TTBK2: variants seen among roughly 807,000 people sequenced by gnomAD.
The protein encoded by TTBK2 is tau tubulin kinase 2, also known as tau-tubulin kinase 2.
TTBK2 carries 28 observed loss-of-function variants against 110.8 expected under a neutral mutation model. The observed-to-expected ratio is 0.25, with a 90% CI of 0.19 to 0.35. TTBK2 has a LOEUF of 0.35. Among genes scored for constraint, TTBK2 ranks in the 10% least tolerant of loss-of-function variants. TTBK2 has a pLI of 1.00. For synonymous variants in TTBK2, 532 were observed against 527.3 expected, an observed-to-expected ratio of 1.01 and a Z score of -0.12; for missense variants, 1,369 against 1,500.3, an observed-to-expected ratio of 0.91 and a Z score of 1.45.
chr15:42,803,489 G>A (rs1334606851), intron 9 of TTBK2, among the ~76,000 whole-genome samples: 1 of 152,098 alleles, frequency 6.6e-6, no homozygotes, highest in Admixed American at 6.5e-5. Context: ...CCTGAGGCAG[G>A]GTAAGGCAGC....
intron 13 of TTBK2, among the ~76,000 whole-genome samples, chr15:42,772,775 C>T (rs367939350): frequency 2.6e-5 from 4 of 152,018 alleles, no homozygotes; most frequent in East Asian, 3.9e-4. Context: ...AGTGGGACCC[C>T]GTCTTGCAAA....
chr15:42,893,741 C>T (rs1895557790), intron 1 of TTBK2, among the ~76,000 whole-genome samples: 3 of 151,218 alleles, frequency 2.0e-5, no homozygotes, highest in Non-Finnish European at 4.4e-5. Flanking sequence ...TTTAGGAAAT[C>T]TGGGAAAAAA....
At chr15:42,891,686 T>C (rs1214077536) in intron 1 of TTBK2, among the ~76,000 whole-genome samples, 2 of 152,148 alleles carry the variant, frequency 1.3e-5, no homozygotes, top group Admixed American at 6.5e-5. Flanking sequence ...CTTCATCTGA[T>C]TGTTCATTTG....
At chr15:42,763,180 A>ATATG (rs1889161418) in intron 13 of TTBK2, among the ~76,000 whole-genome samples, 2 of 18,688 alleles carry the variant, frequency 1.1e-4, no homozygotes, top group Non-Finnish European at 1.8e-4. Flanking sequence ...ATATATATAT[A>ATATG]TATATATATA....
intron 1 of TTBK2, among the ~76,000 whole-genome samples, chr15:42,889,699 T>C (rs185400228): frequency 6.6e-6 from 1 of 152,264 alleles, no homozygotes; most frequent in Non-Finnish European, 1.5e-5. Flanking sequence ...TCTCAATTGA[T>C]ACAAAACCGC....
At chr15:42,826,078 T>C (rs1015379458) in intron 6 of TTBK2, among the ~76,000 whole-genome samples, 3 of 152,094 alleles carry the variant, frequency 2.0e-5, no homozygotes, top group African/African-American at 7.2e-5. Context: ...GCAGATAACA[T>C]GACGGTATAC....
intron 9 of TTBK2, among the ~76,000 whole-genome samples, chr15:42,802,645 G>A (rs1012841583): frequency 6.6e-6 from 1 of 152,144 alleles, no homozygotes; most frequent in Non-Finnish European, 1.5e-5. Context: ...CATTAAGTCG[G>A]GTGTCACATA....
At chr15:42,838,607 G>A (rs940692141) in intron 4 of TTBK2, among the ~76,000 whole-genome samples, 4 of 152,134 alleles carry the variant, frequency 2.6e-5, no homozygotes, top group African/African-American at 4.8e-5. Flanking sequence ...CCTGAGGTCA[G>A]GAGTTCAACG....
chr15:42,839,349 T>C (rs761103903), intron 4 of TTBK2, among the ~76,000 whole-genome samples: 1 of 152,232 alleles, frequency 6.6e-6, no homozygotes, highest in Non-Finnish European at 1.5e-5. Flanking sequence ...AGTTCACCAT[T>C]GATGGGCATG....
At chr15:42,818,082 T>G (rs1892117613) in intron 6 of TTBK2, among the ~76,000 whole-genome samples, 1 of 152,222 alleles carries the variant, frequency 6.6e-6, no homozygotes, top group Admixed American at 6.5e-5. Flanking sequence ...GTTTAGATTT[T>G]AATTTTTTTA....
intron 6 of TTBK2, among the ~76,000 whole-genome samples, chr15:42,824,244 A>G (rs1327175149): frequency 6.6e-6 from 1 of 152,200 alleles, no homozygotes; most frequent in Non-Finnish European, 1.5e-5. Context: ...TGGGACAAAT[A>G]TTCAAACTAT....
intron 1 of TTBK2, among the ~76,000 whole-genome samples, chr15:42,911,541 G>C (rs550890674): frequency 2.0e-5 from 3 of 152,308 alleles, no homozygotes; most frequent in African/African-American, 7.2e-5. Context: ...ACATGACCCA[G>C]AACCCTGAAA....
At chr15:42,895,727 C>T (rs976017586) in intron 1 of TTBK2, among the ~76,000 whole-genome samples, 25 of 151,732 alleles carry the variant, frequency 1.6e-4, no homozygotes, top group African/African-American at 5.6e-4. Flanking sequence ...TTAGTAGAGA[C>T]GGGGTTTCAC....
intron 4 of TTBK2, among the ~76,000 whole-genome samples, chr15:42,836,553 A>G (rs1892992267): frequency 6.6e-6 from 1 of 152,214 alleles, no homozygotes; most frequent in Admixed American, 6.5e-5. Context: ...TCAAATGGAA[A>G]AGTTCTTAGA....
chr15:42,841,635 G>A (rs1031856795), intron 3 of TTBK2, among the ~76,000 whole-genome samples: 3 of 152,122 alleles, frequency 2.0e-5, no homozygotes, highest in African/African-American at 7.2e-5. Context: ...ACACTGTGGC[G>A]GCAATGAGGC....
chr15:42,871,672 A>G (rs1265624036), intron 3 of TTBK2: 1 of 765,104 alleles, frequency 1.3e-6, no homozygotes, highest in Non-Finnish European at 1.6e-6. Flanking sequence ...AAAGGTCAGA[A>G]AAAGAAAGAG....
intron 1 of TTBK2, among the ~76,000 whole-genome samples, chr15:42,896,804 A>T (rs570739592): frequency 1.3e-5 from 2 of 152,266 alleles, no homozygotes; most frequent in Admixed American, 6.5e-5. Context: ...CCAAAAAAAT[A>T]AAATAAATAA....
chr15:42,852,949 G>A (rs1339890346), intron 3 of TTBK2, among the ~76,000 whole-genome samples: 1 of 152,194 alleles, frequency 6.6e-6, no homozygotes, highest in Non-Finnish European at 1.5e-5. Context: ...TCAGGTCCCA[G>A]TATGTAACTA....
chr15:42,879,509 TA>T (rs1894951080), intron 1 of TTBK2, among the ~76,000 whole-genome samples: 1 of 151,898 alleles, frequency 6.6e-6, no homozygotes. Flanking sequence ...GTCTAGAGAG[TA>T]AATATTTCGG....
Sources: allele counts gnomAD v4.1 joint callset (sites outside exome capture counted in the v4.1 genomes callset), GRCh38; gene constraint gnomAD v4.1.1; transcripts MANE v1.5; gene names NCBI Gene and HGNC (gene_info 2026-07-23, HGNC 2026-07-21).